HDAC4: variants seen among roughly 807,000 people sequenced by gnomAD.
The protein encoded by HDAC4 is histone deacetylase 4, also known as histone deacetylase A.
Under a neutral mutation model 135.1 loss-of-function variants are expected in HDAC4, and 16 were observed. The observed-to-expected ratio is 0.12, with a 90% CI of 0.08 to 0.18. The LOEUF (loss-of-function observed/expected upper bound fraction) is 0.18, where lower values mean the gene tolerates loss of function less well. HDAC4 is among the 10% of genes least tolerant of loss of function. The probability of loss-of-function intolerance (pLI) is 1.00; values close to 1 mark genes in which losing one functional copy is unlikely to be tolerated. For missense variants in HDAC4, 1,143 were observed against 1,511.8 expected (o/e 0.76, Z 4.05); for synonymous variants, 685 against 653.4 (o/e 1.05, Z -0.74).
intron 24 of HDAC4, among the ~76,000 whole-genome samples, chr2:239,059,840 G>C (rs890728258): frequency 6.6e-6 from 1 of 151,992 alleles, no homozygotes; most frequent in Admixed American, 6.5e-5. Flanking sequence ...CCAGCCTGCA[G>C]GACAGTCCTC....
intron 17 of HDAC4, among the ~76,000 whole-genome samples, chr2:239,090,329 G>T (rs549897060): frequency 6.6e-6 from 1 of 151,930 alleles, no homozygotes; most frequent in South Asian, 2.1e-4. Flanking sequence ...TTTACCAGAA[G>T]AAAGATGCAT....
intron 2 of HDAC4, among the ~76,000 whole-genome samples, chr2:239,281,123 T>TACACA (rs200206633): frequency 9.0e-6 from 1 of 110,996 alleles, no homozygotes; most frequent in Non-Finnish European, 1.9e-5. Flanking sequence ...CACACCACTC[T>TACACA]CAATGTACAC....
chr2:239,282,976 CAATGTACGTACCACTCTA>C (rs772296695), intron 2 of HDAC4, among the ~76,000 whole-genome samples: 208 of 151,894 alleles, frequency 1.4e-3, no homozygotes, highest in Non-Finnish European at 2.3e-3. Context: ...ACACCACTCT[CAATGTACGTACCACTCTA>C]CAATGTACAT....
In HDAC4 at chr2:239,162,902, A is replaced by AT. The variant is rs1179767182; in HGVS notation, c.611+900dup. ...TCCATTTTGAGGCTTGAGAATAGCTATTTTTTTTCCAACGAAATTACTGAT... is the reference window on the plus strand; with the variant it reads ...TCCATTTTGAGGCTTGAGAATAGCTATTTTTTTTTCCAACGAAATTACTGAT... On this transcript the variant is annotated intron_variant, in intron 6 of 26. Transcript: ENST00000543185. 5.9e-5 allele frequency among the ~76,000 whole-genome samples: 9 copies of AT among 151,886 alleles called. No homozygotes were observed. The South Asian group carries it at 1.0e-3, about 18-fold the overall frequency.
rs1299134777 is a variant in HDAC4 at position 239,331,251 on chromosome 2, C to T, written c.22+21427G>A. Among the ~76,000 whole-genome samples the T allele has an allele frequency of 1.3e-5, 2 of 151,860 alleles. No homozygotes were observed. The highest frequency in any genetic ancestry group is 2.9e-5 in the Non-Finnish European group (2 of 68,010). On this transcript the variant is annotated intron_variant, in intron 2 of 26. Coordinates refer to ENST00000543185, the MANE Select transcript of HDAC4 (RefSeq NM_001378414.1). This position sits in a 1 kb window ranked among gnomAD's most constrained non-coding sequence, Gnocchi z 4.5. ...AAGCTAAATCTGGAATGAATTCTTC[C>T]TTCATATTCGAGGGGAAAACGGTAA... is the stretch of plus-strand genomic sequence containing the variant.
At chr2:239,286,118 C>G (rs1575611920) in intron 2 of HDAC4, among the ~76,000 whole-genome samples, 1 of 152,180 alleles carries the variant, frequency 6.6e-6, no homozygotes, top group East Asian at 1.9e-4. Flanking sequence ...GCTTTATTCA[C>G]TATCATTTTC....
At chr2:239,221,662 T>C (rs1050192492) in intron 3 of HDAC4, among the ~76,000 whole-genome samples, 1 of 151,294 alleles carries the variant, frequency 6.6e-6, no homozygotes, top group East Asian at 2.0e-4. Context: ...AGCCTTCAAC[T>C]GAAGAACAGC....
chr2:239,080,753 C>G (rs79623293), intron 22 of HDAC4, among the ~76,000 whole-genome samples: 2 of 152,194 alleles, frequency 1.3e-5, no homozygotes, highest in Admixed American at 1.3e-4. Context: ...ATTAGGAGAT[C>G]ATGAGACCCT....
chr2:239,302,595 C>T (rs1449012460), intron 2 of HDAC4, among the ~76,000 whole-genome samples: 1 of 152,154 alleles, frequency 6.6e-6, no homozygotes, highest in Admixed American at 6.5e-5. Context: ...TCCAGCGACA[C>T]AGTGGGAGCA....
Position 239,307,052 on chromosome 2 carries a change from T to C in HDAC4, c.22+45626A>G, listed in dbSNP as rs1047315610. 6.6e-5 allele frequency among the ~76,000 whole-genome samples: 10 copies of C among 152,210 alleles called. No homozygotes were observed. The highest frequency in any genetic ancestry group is 1.9e-4 in the African/African-American group (8 of 41,554). ...TCCCACTCTCGCCCTCCGGCCTTCA[T>C]TCAGCACTCTGGTGAGCCCAGAGGC... On this transcript the variant is annotated intron_variant, in intron 2 of 26. Coordinates refer to ENST00000543185, the MANE Select transcript of HDAC4 (RefSeq NM_001378414.1). The surrounding 1 kb of genome is among the most constrained non-coding windows in gnomAD (Gnocchi z 4.8).
At chr2:239,385,645 G>T (rs1047134267) in intron 1 of HDAC4, among the ~76,000 whole-genome samples, 2 of 152,218 alleles carry the variant, frequency 1.3e-5, no homozygotes, top group Admixed American at 6.5e-5. Context: ...ACACGCACAC[G>T]CCTGTCCCTG....
intron 3 of HDAC4, among the ~76,000 whole-genome samples, chr2:239,193,152 T>C (rs2045117707): frequency 6.6e-6 from 1 of 152,206 alleles, no homozygotes; most frequent in South Asian, 2.1e-4. Flanking sequence ...GCTTATAAGA[T>C]GTGCTGCTGT....
chr2:239,236,199 C>T (rs957726213), intron 3 of HDAC4, among the ~76,000 whole-genome samples: 13 of 152,312 alleles, frequency 8.5e-5, no homozygotes, highest in South Asian at 2.1e-4. Context: ...ATGGAAAAGG[C>T]GCGGTCTGTC....
At chr2:239,104,196 G>T (rs1212143482) in intron 15 of HDAC4, among the ~76,000 whole-genome samples, 1 of 152,158 alleles carries the variant, frequency 6.6e-6, no homozygotes, top group African/African-American at 2.4e-5. Context: ...GGGTGCAGTT[G>T]GGGCCCTGGG....
rs943904244 is a variant in HDAC4 at position 239,290,686 on chromosome 2, G to A, written c.23-54022C>T. On this transcript the variant is annotated intron_variant, in intron 2 of 26. Transcript: ENST00000543185. ...GCACGCATGCATTCAGTTCGCACGCGCATGCACACACACGCACGCACACAC... is the reference window on the plus strand; with the variant it reads ...GCACGCATGCATTCAGTTCGCACGCACATGCACACACACGCACGCACACAC... 4.6e-5 allele frequency among the ~76,000 whole-genome samples: 7 copies of A among 151,790 alleles called. No homozygotes were observed. In the East Asian group the frequency reaches 5.8e-4, roughly 13 times the overall value.
chr2:239,171,418 TG>T (rs1439786691), intron 5 of HDAC4, among the ~76,000 whole-genome samples: 14 of 152,120 alleles, frequency 9.2e-5, no homozygotes, highest in African/African-American at 3.4e-4. Context: ...ATTAGGGAAG[TG>T]GATGATAAAT....
rs574234964 is a variant in HDAC4 at position 239,180,430 on chromosome 2, G to A, written c.340-3867C>T. On this transcript the variant is annotated intron_variant, in intron 4 of 26. Transcript: ENST00000543185. ...ACCACCCAGAACCACTTGTAAATAG[G>A]GAAGAAAGGATTTCAGCTTGCTCAC... 2.6e-5 allele frequency among the ~76,000 whole-genome samples: 4 copies of A among 152,072 alleles called. No individual in the cohort carries two copies. In the East Asian group the frequency reaches 7.8e-4, roughly 29 times the overall value.
chr2:239,188,932 CT>C (rs2044722372), intron 4 of HDAC4, among the ~76,000 whole-genome samples: 1 of 152,276 alleles, frequency 6.6e-6, no homozygotes, highest in African/African-American at 2.4e-5. Flanking sequence ...GACCACAGCC[CT>C]GCCTGACATC....
chr2:239,107,584 G>C (rs2038268865), intron 15 of HDAC4, among the ~76,000 whole-genome samples: 1 of 152,244 alleles, frequency 6.6e-6, no homozygotes, highest in Non-Finnish European at 1.5e-5. Context: ...TCTCGAAGAA[G>C]CTTTTCAAAA....
Sources: gnomAD v4.1 joint callset for allele counts (sites outside exome capture counted in the v4.1 genomes callset) on GRCh38, gnomAD v4.1.1 for gene constraint, Gnocchi (gnomAD v3.1) non-coding constraint, MANE v1.5 for transcripts, NCBI Gene and HGNC (gene_info 2026-07-23, HGNC 2026-07-21) for gene names.